Variants in DPF3 observed in about 807,000 individuals in gnomAD.
The protein encoded by DPF3 is zinc finger protein DPF3.
Under a neutral mutation model 56.8 loss-of-function variants are expected in DPF3, and 18 were observed. That is an observed-to-expected ratio of 0.32 (90% CI 0.22 to 0.47). DPF3 has a LOEUF of 0.47. Ranked by LOEUF, DPF3 falls within the 20% of genes least tolerant of loss-of-function variation. DPF3 has a pLI of 1.00. For synonymous variants in DPF3, 188 were observed against 180.2 expected (o/e 1.04, Z -0.35); for missense variants, 403 against 488.8 (o/e 0.82, Z 1.65).
At chr14:72,765,375 A>T (rs777562616) in intron 2 of DPF3, among the ~76,000 whole-genome samples, 8 of 152,176 alleles carry the variant, frequency 5.3e-5, no homozygotes, top group Non-Finnish European at 1.2e-4. Flanking sequence ...TATCTCTCTT[A>T]TGATCTAGTT....
intron 6 of DPF3, among the ~76,000 whole-genome samples, chr14:72,695,416 C>T (rs1373873805): frequency 6.6e-6 from 1 of 152,182 alleles, no homozygotes; most frequent in East Asian, 1.9e-4. Flanking sequence ...ACTGGTTGGA[C>T]TTCTTTGTTA....
At chr14:72,643,954 C>T (rs1885637665) in intron 8 of DPF3, among the ~76,000 whole-genome samples, 1 of 152,264 alleles carries the variant, frequency 6.6e-6, no homozygotes, top group East Asian at 1.9e-4. Flanking sequence ...GCCTCACTGG[C>T]TCCTTTCAAT....
chr14:72,755,953 CT>C (rs1180964344), intron 2 of DPF3, among the ~76,000 whole-genome samples: 1 of 152,194 alleles, frequency 6.6e-6, no homozygotes, highest in Non-Finnish European at 1.5e-5. Context: ...TGTTGTTTAT[CT>C]CAGAACAGGA....
rs1461806204 is a variant in DPF3 at position 72,756,863 on chromosome 14, A to AG, written c.194-3493dup. Among the ~76,000 whole-genome samples the AG allele has an allele frequency of 6.3e-3, 696 of 110,804 alleles. 20 individuals carry two copies. The highest frequency in any genetic ancestry group is 0.023 in the African/African-American group (665 of 28,934). The allele number at this position is 110,804 out of a possible 152,430, so 72.7% of individuals were successfully genotyped here. A position where few individuals can be genotyped will look rare whatever the true frequency, so the allele number is the denominator to read the frequency against. ...AAGAAAGAAAGAAAGAAAGAAAGAAAGAAAGAAAGGAAGGAAAGAAGGAAA... is the reference window on the plus strand; with the variant it reads ...AAGAAAGAAAGAAAGAAAGAAAGAAAGGAAAGAAAGGAAGGAAAGAAGGAAA... On this transcript the variant is annotated intron_variant, in intron 2 of 10. Coordinates refer to ENST00000556509, the MANE Select transcript of DPF3 (RefSeq NM_001280542.3).
intron 8 of DPF3, among the ~76,000 whole-genome samples, chr14:72,633,043 A>G (rs1291840805): frequency 6.6e-6 from 1 of 152,238 alleles, no homozygotes; most frequent in Non-Finnish European, 1.5e-5. Context: ...GAGAAATGTT[A>G]AAGAAATACT....
chr14:72,654,448 G>T (rs1886009925), intron 8 of DPF3, among the ~76,000 whole-genome samples: 1 of 152,044 alleles, frequency 6.6e-6, no homozygotes, highest in African/African-American at 2.4e-5. Flanking sequence ...ATTTTAAATG[G>T]TCTTGTCTTG....
At chr14:72,836,284 C>T (rs1599484363) in intron 1 of DPF3, 1 of 985,642 alleles carries the variant, frequency 1.0e-6, no homozygotes, top group Non-Finnish European at 1.2e-6. Context: ...ATTTTGCTCC[C>T]TCTCTCCTGC....
chr14:72,692,979 C>T, intron 7 of DPF3, 97 bp downstream of exon 7: 1 of 1,556,704 alleles, frequency 6.4e-7, no homozygotes, highest in Non-Finnish European at 8.7e-7. Flanking sequence ...ACGGTTGCTA[C>T]CAGAAGATGC....
chr14:72,793,605 AGCC>A (rs1405121766), intron 1 of DPF3, among the ~76,000 whole-genome samples: 40 of 152,294 alleles, frequency 2.6e-4, no homozygotes, highest in African/African-American at 9.4e-4. Context: ...GAAATTAACA[AGCC>A]GGCATCCAAC....
chr14:72,646,571 CTTGT>C (rs200825988), intron 8 of DPF3, among the ~76,000 whole-genome samples: 2,708 of 152,298 alleles, frequency 0.018, 53 homozygotes, highest in South Asian at 0.099. Context: ...ATCAGATTCC[CTTGT>C]TTAAGTTCTT....
chr14:72,633,487 G>A (rs1373837248), intron 8 of DPF3, among the ~76,000 whole-genome samples: 2 of 152,144 alleles, frequency 1.3e-5, no homozygotes, highest in South Asian at 4.2e-4. Flanking sequence ...GCAAAGGAAA[G>A]AGAGAAACAT....
In DPF3 at chr14:72,772,719, A is replaced by G. The variant is rs13379436; in HGVS notation, c.33-826T>C. Reference sequence around the variant, plus strand: ...AAGGTAGTGTCCTTTTCAAAGACCAAAAATGGAGCATTGATATAATTGATC... The same window carrying G: ...AAGGTAGTGTCCTTTTCAAAGACCAGAAATGGAGCATTGATATAATTGATC... On this transcript the variant is annotated intron_variant, in intron 1 of 10. Coordinates refer to ENST00000556509, the MANE Select transcript of DPF3 (RefSeq NM_001280542.3). Among the ~76,000 whole-genome samples, 291 of 152,336 alleles carry G rather than the reference A, an allele frequency of 1.9e-3. 2 individuals carry two copies. Among genetic ancestry groups the G allele is most frequent in the African/African-American group, 6.7e-3 (280 of 41,578 alleles).
intron 8 of DPF3, among the ~76,000 whole-genome samples, chr14:72,656,002 T>A (rs1327580879): frequency 1.3e-5 from 2 of 152,192 alleles, no homozygotes; most frequent in Admixed American, 6.5e-5. Flanking sequence ...TGTCTATTTG[T>A]TTTAGGCACC....
chr14:72,812,081 C>T (rs1251189303), intron 1 of DPF3, among the ~76,000 whole-genome samples: 1 of 152,106 alleles, frequency 6.6e-6, no homozygotes, highest in African/African-American at 2.4e-5. Flanking sequence ...AAGTGAGCTC[C>T]AGGAGGCAAG....
intron 1 of DPF3, among the ~76,000 whole-genome samples, chr14:72,833,290 C>T (rs555173360): frequency 3.9e-5 from 6 of 152,274 alleles, no homozygotes; most frequent in Non-Finnish European, 7.3e-5. Context: ...TCCCAGATGA[C>T]GTCTAGCTTG....
chr14:72,658,668 G>C (rs1008560339), intron 8 of DPF3, among the ~76,000 whole-genome samples: 7 of 152,168 alleles, frequency 4.6e-5, no homozygotes, highest in Non-Finnish European at 8.8e-5. Context: ...AACATGTGCT[G>C]AATAATGACC....
At chr14:72,719,680 A>T (rs1018231106) in intron 5 of DPF3, among the ~76,000 whole-genome samples, 48 of 152,210 alleles carry the variant, frequency 3.2e-4, no homozygotes, top group African/African-American at 1.1e-3. Context: ...ACAATTATTA[A>T]TTGTTGGGCT....
intron 1 of DPF3, among the ~76,000 whole-genome samples, chr14:72,802,405 A>C (rs779085084): frequency 2.0e-4 from 31 of 152,124 alleles, no homozygotes; most frequent in Non-Finnish European, 4.0e-4. Flanking sequence ...ACAGCTCCTA[A>C]GTGCTGTGAG....
chr14:72,877,767 G>A (rs959937371), intron 1 of DPF3, among the ~76,000 whole-genome samples: 6 of 152,164 alleles, frequency 3.9e-5, no homozygotes, highest in African/African-American at 9.7e-5. Context: ...ATAGATTAGC[G>A]TTCATCCCTG....
Sources: gnomAD v4.1 joint callset for allele counts (sites outside exome capture counted in the v4.1 genomes callset) on GRCh38, gnomAD v4.1.1 for gene constraint, MANE v1.5 for transcripts, NCBI Gene and HGNC (gene_info 2026-07-23, HGNC 2026-07-21) for gene names.